The following HOMER2 variants were observed in gnomAD, a reference collection of about 807,000 sequenced individuals.
HOMER2 encodes homer scaffold protein 2.
Under a neutral mutation model 47.0 loss-of-function variants are expected in HOMER2, and 27 were observed. That is an observed-to-expected ratio of 0.57 (90% CI 0.42 to 0.79). The LOEUF (loss-of-function observed/expected upper bound fraction) is 0.79. Among genes scored for constraint, HOMER2 ranks in the 30% least tolerant of loss-of-function variants. HOMER2 has a pLI of 0.00. For synonymous variants in HOMER2, 161 were observed against 163.8 expected (o/e 0.98, Z 0.13); for missense variants, 443 against 435.0 (o/e 1.02, Z -0.16).
intron 1 of HOMER2, among the ~76,000 whole-genome samples, chr15:82,902,873 ATT>A (rs1447732272): frequency 1.6e-4 from 24 of 150,638 alleles, no homozygotes; most frequent in Middle Eastern, 6.8e-3. Flanking sequence ...GCTGAAAATA[ATT>A]TTGTTTTATT....
intron 2 of HOMER2, among the ~76,000 whole-genome samples, chr15:82,880,810 G>C (rs1267680872): frequency 1.3e-5 from 2 of 152,110 alleles, no homozygotes; most frequent in Non-Finnish European, 2.9e-5. Flanking sequence ...AAGAAGAGAG[G>C]CCCAGGGCAG....
At chr15:82,962,390 C>T (rs949932586) in intron 1 of HOMER2, among the ~76,000 whole-genome samples, 4 of 145,108 alleles carry the variant, frequency 2.8e-5, no homozygotes, top group African/African-American at 1.0e-4. Flanking sequence ...AAAAAAATGT[C>T]CAGAGGCCGG....
upstream of HOMER2, among the ~76,000 whole-genome samples, chr15:82,956,773 G>T (rs187331524): frequency 2.7e-3 from 416 of 152,290 alleles, 2 homozygotes; most frequent in African/African-American, 9.7e-3. Context: ...TGTAAAATTA[G>T]AAAATATGGA....
chr15:82,956,507 C>T (rs2054589021), upstream of HOMER2, among the ~76,000 whole-genome samples: 3 of 151,970 alleles, frequency 2.0e-5, no homozygotes, highest in East Asian at 1.9e-4. Flanking sequence ...TGGGGAATGC[C>T]GTGATCTGGT....
intron 1 of HOMER2, among the ~76,000 whole-genome samples, chr15:82,977,162 T>C (rs142654605): frequency 7.1e-4 from 108 of 152,060 alleles, no homozygotes; most frequent in African/African-American, 2.6e-3. Context: ...TATAGCAAAA[T>C]GCTGAAAAAA....
intron 1 of HOMER2, among the ~76,000 whole-genome samples, chr15:82,923,554 G>T (rs1037835685): frequency 5.9e-5 from 9 of 151,824 alleles, no homozygotes; most frequent in African/African-American, 1.9e-4. Context: ...CAGTCTCAGA[G>T]GGCTCAGAGT....
rs2151154795 is a variant in HOMER2 at position 82,913,476 on chromosome 15, G to A, written c.6-20635C>T. On this transcript the variant is annotated intron_variant, in intron 1 of 8. Coordinates refer to ENST00000450735, the MANE Select transcript of HOMER2 (RefSeq NM_004839.4). This position sits in a 1 kb window ranked among gnomAD's most constrained non-coding sequence, Gnocchi z 4.1. ...TGGTGCCTACCAGCAGAGCCTGAGA[G>A]TCTGACCTACTGCCTACAGCCCAGG... Among the ~76,000 whole-genome samples, 1 of 152,270 alleles carries A rather than the reference G, an allele frequency of 6.6e-6. No individual in the cohort carries two copies. The highest frequency in any genetic ancestry group is 2.1e-4 in the South Asian group (1 of 4,820).
chr15:82,868,541 A>ATATATATATATATATATATATATATAT, intron 3 of HOMER2, among the ~76,000 whole-genome samples: 7 of 71,264 alleles, frequency 9.8e-5, no homozygotes, highest in South Asian at 4.9e-4. Flanking sequence ...ATATATATAT[A>ATATATATATATATATATATATATATAT]TTTTTTTTTT....
At chr15:82,985,091 G>C (rs12439635) in intron 1 of HOMER2, among the ~76,000 whole-genome samples, 1 of 152,166 alleles carries the variant, frequency 6.6e-6, no homozygotes, top group Non-Finnish European at 1.5e-5. Context: ...AGATGAGGGG[G>C]AGAGACAGGT....
intron 1 of HOMER2, among the ~76,000 whole-genome samples, chr15:82,969,545 T>A (rs557560994): frequency 2.6e-4 from 40 of 152,316 alleles, no homozygotes; most frequent in Middle Eastern, 3.4e-3. Context: ...TCCCTCAGCC[T>A]TTGTGGGTAG....
intron 1 of HOMER2, among the ~76,000 whole-genome samples, chr15:82,939,866 A>G (rs1165801121): frequency 1.3e-5 from 2 of 151,930 alleles, no homozygotes; most frequent in African/African-American, 2.4e-5. Flanking sequence ...GCACATATAC[A>G]CCATGGAATA....
In HOMER2 at chr15:82,937,620, G is replaced by T. The variant is rs185521915; in HGVS notation, c.5+14911C>A. ...CTCATTACTCAAAGAGGTCATGCTG[G>T]TGAGAATTTTAATGCATTTTTCAGA... On this transcript the variant is annotated intron_variant, in intron 1 of 8. Coordinates refer to ENST00000450735, the MANE Select transcript of HOMER2 (RefSeq NM_004839.4). 5.9e-5 allele frequency among the ~76,000 whole-genome samples: 9 copies of T among 152,306 alleles called. No individual in the cohort carries two copies. In the East Asian group the frequency reaches 1.7e-3, roughly 29 times the overall value.
At chr15:82,860,946 A>T (rs940954120) in intron 4 of HOMER2, among the ~76,000 whole-genome samples, 3 of 141,880 alleles carry the variant, frequency 2.1e-5, no homozygotes, top group African/African-American at 8.1e-5. Context: ...CAAAGATAGA[A>T]GATAGAAGAT....
intron 1 of HOMER2, among the ~76,000 whole-genome samples, chr15:82,923,157 T>C (rs1179478857): frequency 6.6e-6 from 1 of 151,884 alleles, no homozygotes; most frequent in African/African-American, 2.4e-5. Flanking sequence ...AGGGATCAGG[T>C]TTTCATTTCT....
At chr15:82,918,679 C>A (rs182390278) in intron 1 of HOMER2, among the ~76,000 whole-genome samples, 1 of 152,164 alleles carries the variant, frequency 6.6e-6, no homozygotes, top group South Asian at 2.1e-4. Flanking sequence ...GTTCTCCCTG[C>A]ACCCCTATTT....
At chr15:82,953,105 C>T (rs1017516713), upstream of HOMER2, among the ~76,000 whole-genome samples, 1 of 152,214 alleles carries the variant, frequency 6.6e-6, no homozygotes, top group Admixed American at 6.5e-5. Context: ...CCCAAGGTCA[C>T]ACATTCAGAT....
intron 1 of HOMER2, among the ~76,000 whole-genome samples, chr15:82,965,126 C>A (rs942213312): frequency 6.6e-6 from 1 of 152,090 alleles, no homozygotes; most frequent in Non-Finnish European, 1.5e-5. Context: ...CTCAAGGGAT[C>A]CTCCTGCCTC....
rs2053501885 is a variant in HOMER2 at position 82,913,509 on chromosome 15, G to GCCTGCCTCCC, written c.6-20678_6-20669dup. ...TACTGCCTACAGCCCAGGGCACACA[G>GCCTGCCTCCC]CCTGCCTCCCCCTATTTCTGCTATT... On this transcript the variant is annotated intron_variant, in intron 1 of 8. Transcript: ENST00000450735. This position sits in a 1 kb window ranked among gnomAD's most constrained non-coding sequence, Gnocchi z 4.1. 6.6e-6 allele frequency among the ~76,000 whole-genome samples: 1 copy of GCCTGCCTCCC among 152,096 alleles called. No homozygotes were observed. Among genetic ancestry groups the GCCTGCCTCCC allele is most frequent in the Non-Finnish European group, 1.5e-5 (1 of 68,026 alleles).
At chr15:82,868,735 G>C (rs1321747968) in intron 3 of HOMER2, among the ~76,000 whole-genome samples, 3 of 150,686 alleles carry the variant, frequency 2.0e-5, no homozygotes, top group Non-Finnish European at 4.4e-5. Context: ...ATTTTTAGTA[G>C]AGACGGGGCT....
Sources: gnomAD v4.1 joint callset for allele counts (sites outside exome capture counted in the v4.1 genomes callset) on GRCh38, gnomAD v4.1.1 for gene constraint, Gnocchi (gnomAD v3.1) non-coding constraint, MANE v1.5 for transcripts, NCBI Gene and HGNC (gene_info 2026-07-23, HGNC 2026-07-21) for gene names.